The following USO1 variants were observed in gnomAD, a reference collection of about 807,000 sequenced individuals.
USO1 encodes USO1 vesicle transport factor.
A neutral mutation model predicts 124.5 loss-of-function variants in USO1; 57 were observed. The observed-to-expected ratio is 0.46, with a 90% CI of 0.37 to 0.57. The LOEUF is 0.57. USO1 is among the 20% of genes least tolerant of loss of function. The pLI is 0.00. For missense variants in USO1, 900 were observed against 1,040.6 expected, an observed-to-expected ratio of 0.86 and a Z score of 1.86; for synonymous variants, 369 against 362.8, an observed-to-expected ratio of 1.02 and a Z score of -0.19.
chr4:75,776,539 C>G (rs751025268), intron 8 of USO1, among the ~76,000 whole-genome samples: 39 of 152,082 alleles, frequency 2.6e-4, no homozygotes, highest in Non-Finnish European at 4.1e-4. Flanking sequence ...ATAGAATTTG[C>G]TAAGTTTTCC....
At chr4:75,810,374 G>A in intron 21 of USO1, 58 bp from the exon 22 acceptor site, 1 of 1,503,798 alleles carries the variant, frequency 6.6e-7, no homozygotes, top group Non-Finnish European at 8.9e-7. Context: ...AACCCTTTGG[G>A]AGTTCATATT....
intron 10 of USO1, among the ~76,000 whole-genome samples, chr4:75,789,597 A>G (rs1222658726): frequency 6.6e-6 from 1 of 152,148 alleles, no homozygotes; most frequent in African/African-American, 2.4e-5. Flanking sequence ...TCTTTCTGCA[A>G]TTCCATTAGT....
chr4:75,760,518 G>A (rs1005572096), intron 4 of USO1: 2 of 391,096 alleles, frequency 5.1e-6, no homozygotes, highest in Admixed American at 4.5e-5. Context: ...CCTATTTTAC[G>A]TGTATACTAC....
At chr4:75,803,391 TA>T (rs1353293617) in intron 17 of USO1, among the ~76,000 whole-genome samples, 2 of 152,038 alleles carry the variant, frequency 1.3e-5, no homozygotes, top group East Asian at 3.9e-4. Context: ...CTCACGCCTG[TA>T]ATCCCAGCAC....
At position 75,804,271 on chromosome 4, in the gene USO1, A is replaced by G. The variant is rs781288572; in HGVS notation, c.2124A>G (p.Leu708=). Residue 708 remains leucine, a splice_region_variant and synonymous_variant, in exon 18 of 24, where the codon CTA becomes CTG. Transcript: ENST00000514213. Reference sequence around the variant, plus strand: ...AGTATAATCTTCTTAAAATACAGCTAGGTAAGCATAGCTAAGCCATCACTA... The same window carrying G: ...AGTATAATCTTCTTAAAATACAGCTGGGTAAGCATAGCTAAGCCATCACTA... The part of the protein sequence containing the change: ...KDQYNLLKIQ[L]GKDNQHQGSY... 3 of 1,609,458 alleles carry G rather than the reference A, an allele frequency of 1.9e-6. No homozygotes were observed. The East Asian group carries it at 6.7e-5, about 36-fold the overall frequency.
At chr4:75,729,547 C>G (rs1720570535) in intron 1 of USO1, among the ~76,000 whole-genome samples, 1 of 151,962 alleles carries the variant, frequency 6.6e-6, no homozygotes, top group Admixed American at 6.6e-5. Flanking sequence ...CACTGTGATG[C>G]CCAGGCTGGT....
At chr4:75,737,380 A>G (rs1464527607) in intron 1 of USO1, among the ~76,000 whole-genome samples, 2 of 152,206 alleles carry the variant, frequency 1.3e-5, no homozygotes, top group African/African-American at 4.8e-5. Flanking sequence ...CCTCTTTGAA[A>G]TCAGGATACA....
At chr4:75,736,437 C>T (rs1720794691) in intron 1 of USO1, among the ~76,000 whole-genome samples, 2 of 151,610 alleles carry the variant, frequency 1.3e-5, no homozygotes, top group Admixed American at 1.3e-4. Context: ...CTGCCTCCAC[C>T]TCCCGAGTAG....
intron 20 of USO1, among the ~76,000 whole-genome samples, chr4:75,808,719 C>T (rs1723059963): frequency 6.8e-6 from 1 of 147,128 alleles, no homozygotes; most frequent in Non-Finnish European, 1.5e-5. Context: ...TCCTTCTCCC[C>T]TCCCTTCCTG....
intron 1 of USO1, among the ~76,000 whole-genome samples, chr4:75,734,718 CTTTTTTTTTT>C (rs55928639): frequency 7.0e-4 from 33 of 47,452 alleles, no homozygotes; most frequent in African/African-American, 2.4e-3. Context: ...GGCAGTATGG[CTTTTTTTTTT>C]TTTTTTTTTT....
At chr4:75,799,811 A>G in intron 14 of USO1, 79 bp downstream of exon 14, 5 of 1,507,610 alleles carry the variant, frequency 3.3e-6, no homozygotes, top group South Asian at 1.2e-5. Flanking sequence ...AAGTAGTTCT[A>G]TGCCCAAAAT....
Position 75,790,704 on chromosome 4 carries a change from T to C in USO1, c.1147T>C (p.Cys383Arg). The C allele has an allele frequency of 1.9e-6, 3 of 1,613,670 alleles. No homozygotes were observed. The highest frequency in any genetic ancestry group is 1.7e-4 in the Middle Eastern group (1 of 6,054). Residue 383 changes from cysteine (C) to arginine (R), a missense_variant, in exon 12 of 24, where the codon TGT becomes CGT. Cys to Arg is a radical substitution (Grantham distance 180, BLOSUM62 -3). Around this residue, in one of 2 missense-constraint regions of USO1, gnomAD observed 538 missense variants for 681.6 expected, o/e 0.79. Coordinates refer to ENST00000514213, the MANE Select transcript of USO1 (RefSeq NM_003715.4). The stretch of plus-strand genomic sequence containing the variant: ...TGAAAGGCAGCCATTTGTTTTGCGC[T>C]GTGCTGTTCTCTATTGTTTCCAGTG... ...VNERQPFVLR[C>R]AVLYCFQCFL...
At chr4:75,756,208 G>A (rs1721438387) in intron 3 of USO1, among the ~76,000 whole-genome samples, 2 of 150,288 alleles carry the variant, frequency 1.3e-5, no homozygotes, top group Admixed American at 1.3e-4. Flanking sequence ...GAACGCAGAA[G>A]AGGAAGTCAG....
chr4:75,742,548 T>C lies in USO1; in HGVS notation c.67-9825T>C, dbSNP rs1033283443. Among the ~76,000 whole-genome samples, 6 of 152,258 alleles carry C rather than the reference T, an allele frequency of 3.9e-5. No homozygotes were observed. The South Asian group carries it at 6.2e-4, about 16-fold the overall frequency. On this transcript the variant is annotated intron_variant, in intron 1 of 23. Transcript: ENST00000514213. ...TACCTATCTTCACTGTATTTACATA[T>C]GTGTTATTCAGATGGTGAAATTTTG...
At chr4:75,743,832 A>G (rs1721036841) in intron 1 of USO1, among the ~76,000 whole-genome samples, 1 of 152,182 alleles carries the variant, frequency 6.6e-6, no homozygotes, top group Non-Finnish European at 1.5e-5. Flanking sequence ...GCTGGAGTGC[A>G]GTGGCGCGAT....
At chr4:75,770,353 T>A in intron 4 of USO1, 86 bp from the exon 5 acceptor site, 5 of 1,283,668 alleles carry the variant, frequency 3.9e-6, no homozygotes, top group Non-Finnish European at 5.2e-6. Context: ...CCAGGAAAAT[T>A]ATCATTCACG....
At chr4:75,775,474 G>A (rs963309716) in intron 8 of USO1, among the ~76,000 whole-genome samples, 1 of 152,164 alleles carries the variant, frequency 6.6e-6, no homozygotes, top group African/African-American at 2.4e-5. Context: ...GGGAGGTGGA[G>A]ATTGCAATGA....
intron 18 of USO1, 74 bp from the exon 19 acceptor site, chr4:75,805,066 T>A (rs1032883537): frequency 6.7e-5 from 98 of 1,471,134 alleles, no homozygotes; most frequent in Admixed American, 4.9e-4. Flanking sequence ...AAATTACATA[T>A]TTGAATCTTC....
At chr4:75,796,638 C>T (rs1209743720) in intron 13 of USO1, among the ~76,000 whole-genome samples, 3 of 151,884 alleles carry the variant, frequency 2.0e-5, no homozygotes, top group Admixed American at 6.6e-5. Flanking sequence ...GCGCCCAGCC[C>T]GCAGCTTCAA....
Sources: allele counts gnomAD v4.1 joint callset (sites outside exome capture counted in the v4.1 genomes callset), GRCh38; gene constraint gnomAD v4.1.1; regional missense constraint gnomAD v4.1.1; transcripts MANE v1.5; gene names NCBI Gene and HGNC (gene_info 2026-07-23, HGNC 2026-07-21).